Variants in RASEF observed in about 807,000 individuals in gnomAD.
RASEF encodes the protein RAS and EF-hand domain containing.
A neutral mutation model predicts 90.1 loss-of-function variants in RASEF; 68 were observed. The observed-to-expected ratio is 0.75, with a 90% confidence interval of 0.62 to 0.92. RASEF has a LOEUF of 0.92. RASEF is among the 40% of genes least tolerant of loss of function. RASEF has a pLI of 0.00. For synonymous variants in RASEF, 331 were observed against 345.2 expected (o/e 0.96, Z 0.46); for missense variants, 949 against 937.2 (o/e 1.01, Z -0.16).
chr9:83,189,877 T>C, the RASEF span, among the ~76,000 whole-genome samples: 2 of 152,210 alleles, frequency 1.3e-5, no homozygotes, highest in African/African-American at 4.8e-5. Flanking sequence ...AAATATTTAG[T>C]GGAGTCTTTC....
chr9:83,085,328 A>T, the RASEF span, among the ~76,000 whole-genome samples: 1 of 152,336 alleles, frequency 6.6e-6, no homozygotes, highest in East Asian at 1.9e-4. Context: ...GAAATCATTC[A>T]AGCATTATAA....
chr9:83,059,098 T>C (rs1830158786), intron 1 of RASEF, among the ~76,000 whole-genome samples: 1 of 152,124 alleles, frequency 6.6e-6, no homozygotes. Context: ...ACATTCCTGT[T>C]TGTGAGAATG....
chr9:83,030,915 C>T (rs1829633887), intron 1 of RASEF, among the ~76,000 whole-genome samples: 1 of 151,926 alleles, frequency 6.6e-6, no homozygotes, highest in Non-Finnish European at 1.5e-5. Context: ...CTCCCTTTTC[C>T]ACCTTTCTCC....
chr9:83,209,585 C>T, the RASEF span, among the ~76,000 whole-genome samples: 1 of 152,182 alleles, frequency 6.6e-6, no homozygotes, highest in Non-Finnish European at 1.5e-5. Flanking sequence ...TTGGAGAATC[C>T]ATATGTGAGC....
chr9:83,125,208 C>T, the RASEF span, among the ~76,000 whole-genome samples: 3 of 152,262 alleles, frequency 2.0e-5, no homozygotes, highest in African/African-American at 7.2e-5. Flanking sequence ...CAGCTGGGCT[C>T]TCCTCCGCAC....
At chr9:83,212,717 A>T in the RASEF span, among the ~76,000 whole-genome samples, 4 of 152,198 alleles carry the variant, frequency 2.6e-5, no homozygotes, top group African/African-American at 7.2e-5. Context: ...TGCCACCTAT[A>T]GGCATGAAAA....
intron 3 of RASEF, among the ~76,000 whole-genome samples, chr9:83,021,113 C>T (rs1350096221): frequency 6.6e-6 from 1 of 152,142 alleles, no homozygotes; most frequent in Admixed American, 6.5e-5. Flanking sequence ...TACACAGAGC[C>T]ACAGGAAAAA....
At chr9:83,086,990 G>A in the RASEF span, among the ~76,000 whole-genome samples, 1 of 152,096 alleles carries the variant, frequency 6.6e-6, no homozygotes, top group African/African-American at 2.4e-5. Context: ...GGATCATTGG[G>A]GCCATCTTGG....
the RASEF span, among the ~76,000 whole-genome samples, chr9:83,196,834 A>T: frequency 6.6e-6 from 1 of 152,246 alleles, no homozygotes; most frequent in Non-Finnish European, 1.5e-5. Context: ...TAATCTTTAT[A>T]GTAACTCAGA....
At chr9:83,038,407 T>TCTACACAGAAGA (rs1829781135) in intron 1 of RASEF, among the ~76,000 whole-genome samples, 2 of 152,152 alleles carry the variant, frequency 1.3e-5, no homozygotes, top group African/African-American at 2.4e-5. Context: ...CAACTGCTGA[T>TCTACACAGAAGA]GTCAACAATT....
At chr9:83,164,545 A>C in the RASEF span, among the ~76,000 whole-genome samples, 1 of 150,618 alleles carries the variant, frequency 6.6e-6, no homozygotes, top group South Asian at 2.1e-4. Flanking sequence ...ACTAATTTTA[A>C]AAGTTAAAGA....
At chr9:83,136,283 T>C in the RASEF span, among the ~76,000 whole-genome samples, 2 of 152,134 alleles carry the variant, frequency 1.3e-5, no homozygotes, top group Non-Finnish European at 2.9e-5. Context: ...GAATTTATTT[T>C]ATTTGCATGG....
At chr9:83,134,117 G>A in the RASEF span, among the ~76,000 whole-genome samples, 1 of 151,988 alleles carries the variant, frequency 6.6e-6, no homozygotes, top group South Asian at 2.1e-4. Flanking sequence ...ACATACATAG[G>A]TATACACCAA....
At chr9:83,170,562 T>A in the RASEF span, among the ~76,000 whole-genome samples, 2 of 151,910 alleles carry the variant, frequency 1.3e-5, no homozygotes, top group East Asian at 3.8e-4. Flanking sequence ...ACCTGGCATA[T>A]TTTTTCTTTT....
At chr9:83,093,348 G>T in the RASEF span, among the ~76,000 whole-genome samples, 327 of 152,324 alleles carry the variant, frequency 2.1e-3, 1 homozygote, top group African/African-American at 7.7e-3. Flanking sequence ...GGAGCAGGGG[G>T]TGGCACTTGT....
chr9:83,062,399 C>A, intron 1 of RASEF, 38 bp downstream of exon 1: 1 of 1,600,986 alleles, frequency 6.2e-7, no homozygotes, highest in Non-Finnish European at 8.5e-7. Context: ...AAGCAGGAAG[C>A]GCCAGAATAA....
upstream of RASEF, among the ~76,000 whole-genome samples, chr9:83,064,105 T>G (rs930174729): frequency 6.6e-6 from 1 of 152,254 alleles, no homozygotes; most frequent in Non-Finnish European, 1.5e-5. Flanking sequence ...TTTGATTTTT[T>G]AAAAATGTGA....
chr9:83,000,102 C>T (rs748535689), intron 12 of RASEF, 67 bp downstream of exon 12: 41 of 1,433,116 alleles, frequency 2.9e-5, no homozygotes, highest in Admixed American at 9.3e-5. Context: ...GTATGTAATC[C>T]CTGAAGAAGA....
the RASEF span, among the ~76,000 whole-genome samples, chr9:83,104,178 A>G: frequency 6.6e-6 from 1 of 152,154 alleles, no homozygotes; most frequent in Non-Finnish European, 1.5e-5. Flanking sequence ...ATATCAATGA[A>G]TTTTTCTTTA....
Sources: allele counts gnomAD v4.1 joint callset (sites outside exome capture counted in the v4.1 genomes callset), GRCh38; gene constraint gnomAD v4.1.1; transcripts MANE v1.5; gene names NCBI Gene and HGNC (gene_info 2026-07-23, HGNC 2026-07-21).